Variants in IPMK observed in about 807,000 individuals in gnomAD.
IPMK encodes inositol polyphosphate multikinase.
A neutral mutation model predicts 45.8 loss-of-function variants in IPMK; 17 were observed. The observed-to-expected ratio is 0.37, with a 90% CI of 0.25 to 0.56. The LOEUF (loss-of-function observed/expected upper bound fraction) is 0.56, where lower values mean the gene tolerates loss of function less well. Ranked by LOEUF, IPMK falls within the 20% of genes least tolerant of loss-of-function variation. IPMK has a pLI of 0.79. For synonymous variants in IPMK, 180 were observed against 184.3 expected, an observed-to-expected ratio of 0.98 and a Z score of 0.19; for missense variants, 399 against 498.0, an observed-to-expected ratio of 0.80 and a Z score of 1.89.
chr10:58,246,105 A>C (rs1442568172), intron 1 of IPMK, among the ~76,000 whole-genome samples: 5 of 131,144 alleles, frequency 3.8e-5, no homozygotes, highest in Non-Finnish European at 7.7e-5. Flanking sequence ...AGGGATGTGA[A>C]GGACCTCTTC....
chr10:58,257,418 T>C (rs1300422841), intron 1 of IPMK, among the ~76,000 whole-genome samples: 1 of 152,024 alleles, frequency 6.6e-6, no homozygotes, highest in Non-Finnish European at 1.5e-5. Flanking sequence ...TCTCTTGAAC[T>C]TGGGGGGCAG....
At chr10:58,198,808 T>C (rs1837945742) in intron 5 of IPMK, among the ~76,000 whole-genome samples, 1 of 152,188 alleles carries the variant, frequency 6.6e-6, no homozygotes, top group African/African-American at 2.4e-5. Flanking sequence ...GAAACTTACA[T>C]AGCTCAACTA....
At chr10:58,251,946 C>G (rs1425978124) in intron 1 of IPMK, among the ~76,000 whole-genome samples, 1 of 152,186 alleles carries the variant, frequency 6.6e-6, no homozygotes, top group Admixed American at 6.5e-5. Flanking sequence ...AACTCTATGT[C>G]TTTTAACTGG....
intron 2 of IPMK, among the ~76,000 whole-genome samples, chr10:58,230,297 A>G (rs1461636870): frequency 1.3e-5 from 2 of 152,220 alleles, no homozygotes; most frequent in Admixed American, 1.3e-4. Context: ...TGAAGAGAGC[A>G]GTGGTTCTCC....
intron 1 of IPMK, among the ~76,000 whole-genome samples, chr10:58,244,426 G>A (rs964582862): frequency 1.4e-5 from 2 of 148,008 alleles, no homozygotes; most frequent in African/African-American, 5.0e-5. Context: ...CCTCCGCCCA[G>A]CCACCCCGTC....
chr10:58,198,218 A>T (rs1020582656), intron 5 of IPMK, among the ~76,000 whole-genome samples: 9 of 152,206 alleles, frequency 5.9e-5, no homozygotes, highest in African/African-American at 1.2e-4. Flanking sequence ...CAATTTTTCC[A>T]AAAAGTTAAG....
At position 58,196,229 on chromosome 10, in the gene IPMK, G is replaced by A; in HGVS notation, c.1098C>T (p.Phe366=). The A allele has an allele frequency of 3.1e-6, 5 of 1,614,062 alleles. No individual in the cohort carries two copies. Among genetic ancestry groups the A allele is most frequent in the Non-Finnish European group, 4.2e-6 (5 of 1,179,942 alleles). The change falls in exon 6 of 6, where the codon TTC becomes TTT. Residue 366 remains phenylalanine (F), a synonymous_variant. Transcript: ENST00000373935. Reference sequence around the variant, plus strand: ...CTTGGCAACCAGTGGGAAGATGGTAGAAAACTTTTTCCAGTTGGGAAAGTA... The same window carrying A: ...CTTGGCAACCAGTGGGAAGATGGTAAAAAACTTTTTCCAGTTGGGAAAGTA... The part of the protein sequence containing the change: ...GNVLSQLEKV[F]YHLPTGCQEI...
At chr10:58,197,117 A>T (rs1769043) in intron 5 of IPMK, among the ~76,000 whole-genome samples, 1 of 147,548 alleles carries the variant, frequency 6.8e-6, no homozygotes, top group African/African-American at 2.5e-5. Context: ...TGGCTAACAC[A>T]GTGAAACCCC....
chr10:58,210,211 T>C (rs1838137467), intron 4 of IPMK, among the ~76,000 whole-genome samples: 1 of 152,076 alleles, frequency 6.6e-6, no homozygotes, highest in African/African-American at 2.4e-5. Context: ...AAGTGGGGAA[T>C]AGCCAGTAGC....
chr10:58,228,153 C>T (rs976210125), intron 2 of IPMK, among the ~76,000 whole-genome samples: 2 of 152,058 alleles, frequency 1.3e-5, no homozygotes, highest in African/African-American at 4.8e-5. Flanking sequence ...CCTGAACGTC[C>T]CTCTATTCCT....
chr10:58,261,917 G>C (rs538860834), intron 1 of IPMK, among the ~76,000 whole-genome samples: 7 of 152,102 alleles, frequency 4.6e-5, no homozygotes, highest in Non-Finnish European at 8.8e-5. Context: ...ATCTCATCCT[G>C]AATTCATGAG....
In IPMK at chr10:58,193,034, G is replaced by A. The variant is rs982932750; in HGVS notation, c.*3042C>T. 8 of 152,044 alleles carry A rather than the reference G, an allele frequency of 5.3e-5. No individual in the cohort carries two copies. The highest frequency in any genetic ancestry group is 5.2e-4 in the Admixed American group (8 of 15,270). The allele number at this position is 152,044 out of a possible 1,614,324, so 9.4% of individuals were successfully genotyped here. On this transcript the variant is annotated 3_prime_UTR_variant, in exon 6 of 6. Transcript: ENST00000373935. The stretch of plus-strand genomic sequence containing the variant: ...CTTTACCATAGTGGACACAATTCCT[G>A]TAATTTCATAAACAGAATTCTTTCG...
chr10:58,230,321 G>A (rs937195969), intron 2 of IPMK, among the ~76,000 whole-genome samples: 3 of 152,218 alleles, frequency 2.0e-5, no homozygotes, highest in Admixed American at 6.5e-5. Flanking sequence ...CATGGTGTTT[G>A]AGCTCTGAGA....
rs558004787 is a variant in IPMK at position 58,214,490 on chromosome 10, GT to G, written c.546+1654del. Among the ~76,000 whole-genome samples the G allele has an allele frequency of 2.2e-4, 34 of 152,210 alleles. No individual in the cohort carries two copies. In the South Asian group the frequency reaches 7.1e-3, roughly 32 times the overall value. On this transcript the variant is annotated intron_variant, in intron 4 of 5. Coordinates refer to ENST00000373935, the MANE Select transcript of IPMK (RefSeq NM_152230.5). Reference sequence around the variant, plus strand: ...CCTATGGGATGTTTATTTCCTGTTTGTTTTAACTGTATTCCATTACCATTTT... The same window carrying G: ...CCTATGGGATGTTTATTTCCTGTTTGTTTAACTGTATTCCATTACCATTTT...
intron 1 of IPMK, among the ~76,000 whole-genome samples, chr10:58,254,153 T>C (rs541511930): frequency 2.6e-5 from 4 of 152,268 alleles, no homozygotes; most frequent in Middle Eastern, 3.4e-3. Context: ...CTCATCTCCT[T>C]TAAAAATTCC....
chr10:58,228,057 A>G (rs531867841), intron 2 of IPMK, among the ~76,000 whole-genome samples: 1 of 152,234 alleles, frequency 6.6e-6, no homozygotes, highest in South Asian at 2.1e-4. Flanking sequence ...CAAGTGGTAC[A>G]TTGTATTTCC....
intron 3 of IPMK, among the ~76,000 whole-genome samples, chr10:58,224,122 C>A (rs973946306): frequency 5.3e-5 from 8 of 152,124 alleles, no homozygotes; most frequent in African/African-American, 1.9e-4. Context: ...GACCTTGGGT[C>A]CCCAGATTAG....
chr10:58,219,651 C>G (rs77428545), intron 3 of IPMK, among the ~76,000 whole-genome samples: 2,701 of 152,262 alleles, frequency 0.018, 90 homozygotes, highest in African/African-American at 0.059. Context: ...CAGTATTTTT[C>G]CATTTCTAGG....
intron 1 of IPMK, among the ~76,000 whole-genome samples, chr10:58,260,956 G>T (rs1839055684): frequency 6.6e-6 from 1 of 151,926 alleles, no homozygotes; most frequent in African/African-American, 2.4e-5. Context: ...ACCAGAAAAA[G>T]CCAAGACAAT....
Sources: gnomAD v4.1 joint callset for allele counts (sites outside exome capture counted in the v4.1 genomes callset) on GRCh38, gnomAD v4.1.1 for gene constraint, MANE v1.5 for transcripts, NCBI Gene and HGNC (gene_info 2026-07-23, HGNC 2026-07-21) for gene names.